PMM2: variants seen among roughly 807,000 people sequenced by gnomAD.
PMM2 encodes the protein mannose-6-phosphate isomerase.
In PMM2, 35 loss-of-function variants were observed where a neutral mutation model predicts 33.2. The observed-to-expected ratio is 1.06, with a 90% CI of 0.81 to 1.40. The LOEUF is 1.40. Ranked by LOEUF, PMM2 falls within the 40% of genes most tolerant of loss-of-function variation. PMM2 has a pLI of 0.00. For synonymous variants in PMM2, 153 were observed against 114.7 expected (o/e 1.33, Z -2.13); for missense variants, 386 against 306.0 (o/e 1.26, Z -1.95).
intron 7 of PMM2, among the ~76,000 whole-genome samples, chr16:8,819,995 C>T (rs2060728865): frequency 6.6e-6 from 1 of 152,144 alleles, no homozygotes; most frequent in Admixed American, 6.6e-5. Flanking sequence ...TTTTATTCTC[C>T]AGAAATGTTA....
intron 7 of PMM2, among the ~76,000 whole-genome samples, chr16:8,828,025 CTTTTTTTTTT>C (rs71153002): frequency 1.1e-4 from 7 of 66,622 alleles, no homozygotes; most frequent in Non-Finnish European, 1.8e-4. Flanking sequence ...CTGTAGAACT[CTTTTTTTTTT>C]TTTTTTTTTT....
intron 7 of PMM2, among the ~76,000 whole-genome samples, chr16:8,831,814 A>G (rs1449492929): frequency 6.6e-6 from 1 of 152,160 alleles, no homozygotes; most frequent in Non-Finnish European, 1.5e-5. Flanking sequence ...CTTTGGGACT[A>G]TTAGGGATTT....
chr16:8,844,806 T>C (rs538180668), intron 7 of PMM2, among the ~76,000 whole-genome samples: 34 of 152,294 alleles, frequency 2.2e-4, no homozygotes, highest in African/African-American at 8.2e-4. Flanking sequence ...GATTGAAGTG[T>C]GGCGCCTAGA....
intron 7 of PMM2, among the ~76,000 whole-genome samples, chr16:8,828,869 G>T (rs911210654): frequency 6.6e-6 from 1 of 152,230 alleles, no homozygotes; most frequent in African/African-American, 2.4e-5. Flanking sequence ...CTAGAAAGGT[G>T]TGTCGTATTA....
Position 8,813,086 on chromosome 16 carries a change from T to C in PMM2, c.619T>C (p.Phe207Leu). ...ENDGYKTIYF[F>L]GDKTMPGGND... ...TGACGGTTATAAGACCATTTATTTCTTTGGAGACAAAACTATGCCAGTAAG... is the reference window on the plus strand; with the variant it reads ...TGACGGTTATAAGACCATTTATTTCCTTGGAGACAAAACTATGCCAGTAAG... Residue 207 changes from phenylalanine (F) to leucine (L), a missense_variant, in exon 7 of 8, where the codon TTT (phenylalanine) becomes CTT (leucine). Transcript: ENST00000268261. The C allele has an allele frequency of 6.2e-7, 1 of 1,603,694 alleles. No individual in the cohort carries two copies. The highest frequency in any genetic ancestry group is 8.5e-7 in the Non-Finnish European group (1 of 1,170,400).
At chr16:8,815,596 GGC>G (rs2060703730) in intron 7 of PMM2, among the ~76,000 whole-genome samples, 1 of 152,030 alleles carries the variant, frequency 6.6e-6, no homozygotes, top group Admixed American at 6.6e-5. Flanking sequence ...TCCGTATCTT[GGC>G]CATTATGAAT....
intron 7 of PMM2, among the ~76,000 whole-genome samples, chr16:8,827,748 A>ATATATATATATGCACACATT (rs2060779288): frequency 6.1e-5 from 3 of 48,936 alleles, no homozygotes; most frequent in Admixed American, 2.4e-4. Flanking sequence ...ATATATATAT[A>ATATATATATATGCACACATT]TATATATATA....
At chr16:8,826,390 A>C (rs928238086) in intron 7 of PMM2, among the ~76,000 whole-genome samples, 1 of 152,056 alleles carries the variant, frequency 6.6e-6, no homozygotes, top group Non-Finnish European at 1.5e-5. Flanking sequence ...ATAAAGTCTG[A>C]CTCTCTCTGG....
intron 7 of PMM2, chr16:8,832,963 C>CT: frequency 1.4e-5 from 6 of 442,382 alleles, no homozygotes; most frequent in Non-Finnish European, 1.1e-5. Flanking sequence ...GATGACTGGT[C>CT]TCCCCAGGGC....
At chr16:8,815,422 G>A (rs767262321) in intron 7 of PMM2, among the ~76,000 whole-genome samples, 29 of 152,112 alleles carry the variant, frequency 1.9e-4, no homozygotes, top group Non-Finnish European at 3.4e-4. Flanking sequence ...GTAGAGACAG[G>A]GTTTTGCCAC....
At chr16:8,836,513 G>A (rs994180823) in intron 7 of PMM2, among the ~76,000 whole-genome samples, 6 of 152,030 alleles carry the variant, frequency 3.9e-5, no homozygotes, top group African/African-American at 7.2e-5. Context: ...AGGAACGCCT[G>A]GCTGCTGCGG....
chr16:8,819,618 C>G (rs1178108975), intron 7 of PMM2, among the ~76,000 whole-genome samples: 2 of 151,090 alleles, frequency 1.3e-5, no homozygotes, highest in Non-Finnish European at 2.9e-5. Flanking sequence ...TTACTTGAGC[C>G]TAGGAGTTCA....
intron 4 of PMM2, chr16:8,810,396 C>T (rs1280726006): frequency 2.0e-5 from 3 of 152,312 alleles, no homozygotes; most frequent in Admixed American, 6.5e-5. Context: ...AAATCATTTT[C>T]ATAGCTCTTT....
chr16:8,824,658 C>CT (rs964134839), intron 7 of PMM2, among the ~76,000 whole-genome samples: 186 of 145,194 alleles, frequency 1.3e-3, no homozygotes, highest in East Asian at 5.9e-4. Context: ...CTTTAGGGGA[C>CT]TTTTTTTTTT....
chr16:8,847,775 G>T lies in PMM2; in HGVS notation c.691G>T (p.Val231Leu). ...AGACCCCAGAACCATGGGCTACTCCGTGACAGCGCCTGAGGACACGCGCAG... is the reference window on the plus strand; with the variant it reads ...AGACCCCAGAACCATGGGCTACTCCTTGACAGCGCCTGAGGACACGCGCAG... Reference protein sequence around the residue: ...FTDPRTMGYSVTAPEDTRRIC... With the variant: ...FTDPRTMGYSLTAPEDTRRIC... The change falls in exon 8 of 8, where the codon GTG (valine) becomes TTG (leucine). Residue 231 changes from valine to leucine, a missense_variant. Physicochemically the swap from Val to Leu is conservative, Grantham distance 32. Coordinates refer to ENST00000268261, the MANE Select transcript of PMM2 (RefSeq NM_000303.3). 3.1e-6 allele frequency: 5 copies of T among 1,614,038 alleles called. No individual in the cohort carries two copies. The highest frequency in any genetic ancestry group is 4.2e-6 in the Non-Finnish European group (5 of 1,179,960).
At chr16:8,845,491 T>G (rs1846555251) in intron 7 of PMM2, among the ~76,000 whole-genome samples, 1 of 152,290 alleles carries the variant, frequency 6.6e-6, no homozygotes, top group Admixed American at 6.5e-5. Flanking sequence ...TGTGTTAATG[T>G]GTGAATACTG....
Position 8,832,214 on chromosome 16 carries a change from C to A in PMM2, c.640-15510C>A, listed in dbSNP as rs374515297. On this transcript the variant is annotated intron_variant, in intron 7 of 7. Transcript: ENST00000268261. ...TGAGAGTCACAAAGAAAGAAGCAGA[C>A]CCTTGGCGGGAGAGAAAGGAAGGCC... 21 of 985,332 alleles carry A rather than the reference C, an allele frequency of 2.1e-5. No individual in the cohort carries two copies. In the East Asian group the frequency reaches 2.0e-3, roughly 96 times the overall value. 61.0% of individuals were successfully genotyped at this position (985,332 alleles called of 1,614,324 possible).
rs1305075521 is a variant in PMM2, at chr16:8,827,882, AAT to A, written c.639+14781_639+14782del. 1.7e-3 allele frequency among the ~76,000 whole-genome samples: 179 copies of A among 105,828 alleles called. 3 individuals are homozygous for A. Among genetic ancestry groups the A allele is most frequent in the Admixed American group, 0.016 (145 of 9,048 alleles). 69.4% of individuals were successfully genotyped at this position (105,828 alleles called of 152,430 possible). On this transcript the variant is annotated intron_variant, in intron 7 of 7. Transcript: ENST00000268261. ...GTTATATATTATATATATGTTATATAATATATGATATATATGATATATATTAT... is the reference window on the plus strand; with the variant it reads ...GTTATATATTATATATATGTTATATAATATGATATATATGATATATATTAT...
At chr16:8,843,423 G>T (rs2060903076) in intron 7 of PMM2, among the ~76,000 whole-genome samples, 1 of 152,134 alleles carries the variant, frequency 6.6e-6, no homozygotes, top group South Asian at 2.1e-4. Flanking sequence ...GGGAGTGGCT[G>T]CCAGGTGAGT....
Sources: gnomAD v4.1 joint callset for allele counts (sites outside exome capture counted in the v4.1 genomes callset) on GRCh38, gnomAD v4.1.1 for gene constraint, MANE v1.5 for transcripts, NCBI Gene and HGNC (gene_info 2026-07-23, HGNC 2026-07-21) for gene names.